The following DNAJC1 variants were observed in gnomAD, a reference collection of about 807,000 sequenced individuals.
DNAJC1 encodes dnaJ homolog subfamily C member 1.
Under a neutral mutation model 76.6 loss-of-function variants are expected in DNAJC1, and 58 were observed. That is an observed-to-expected ratio of 0.76 (90% CI 0.61 to 0.94). DNAJC1 has a LOEUF of 0.94. Ranked by LOEUF, DNAJC1 falls within the 40% of genes least tolerant of loss-of-function variation. The pLI is 0.00. For synonymous variants in DNAJC1, 258 were observed against 267.9 expected (o/e 0.96, Z 0.36); for missense variants, 689 against 677.3 (o/e 1.02, Z -0.19).
intron 1 of DNAJC1, among the ~76,000 whole-genome samples, chr10:21,948,548 C>A (rs1293355688): frequency 3.9e-5 from 6 of 152,036 alleles, no homozygotes; most frequent in African/African-American, 1.5e-4. Flanking sequence ...TTTCAGTTAC[C>A]CATGGTCAAC....
chr10:21,826,599 C>T (rs1262696881), intron 8 of DNAJC1, among the ~76,000 whole-genome samples: 3 of 152,280 alleles, frequency 2.0e-5, no homozygotes, highest in African/African-American at 7.2e-5. Flanking sequence ...AAGAAGCTTT[C>T]CTTCTATGTT....
At chr10:22,003,079 G>A in intron 1 of DNAJC1, 134 bp downstream of exon 1, 1 of 1,314,786 alleles carries the variant, frequency 7.6e-7, no homozygotes. Flanking sequence ...GGACCCCGGT[G>A]ACCCGAGCTG....
At chr10:21,800,467 G>A (rs1834801054) in intron 9 of DNAJC1, among the ~76,000 whole-genome samples, 1 of 152,116 alleles carries the variant, frequency 6.6e-6, no homozygotes, top group Admixed American at 6.6e-5. Context: ...AGATATGAGT[G>A]AAAAGACAAT....
At chr10:21,816,570 G>A (rs1336172445) in intron 8 of DNAJC1, among the ~76,000 whole-genome samples, 3 of 146,622 alleles carry the variant, frequency 2.0e-5, no homozygotes, top group African/African-American at 7.6e-5. Flanking sequence ...TTTTGAGACG[G>A]AGACTCGCTC....
chr10:21,785,366 A>T (rs1317960662), intron 9 of DNAJC1: 1 of 152,254 alleles, frequency 6.6e-6, no homozygotes, highest in Non-Finnish European at 1.5e-5. Context: ...CAGGCTTGGT[A>T]GATATCTCGT....
intron 7 of DNAJC1, among the ~76,000 whole-genome samples, chr10:21,885,414 A>G (rs747763438): frequency 2.6e-5 from 4 of 152,160 alleles, no homozygotes; most frequent in African/African-American, 9.7e-5. Flanking sequence ...CTCCATTGAC[A>G]GTATTAGACA....
At chr10:21,796,749 T>A (rs1360890340) in intron 9 of DNAJC1, among the ~76,000 whole-genome samples, 1 of 152,222 alleles carries the variant, frequency 6.6e-6, no homozygotes, top group African/African-American at 2.4e-5. Context: ...CTATGTCATC[T>A]TTGTAGAAAT....
intron 3 of DNAJC1, among the ~76,000 whole-genome samples, chr10:21,925,443 A>G (rs963451383): frequency 2.6e-5 from 4 of 152,210 alleles, no homozygotes; most frequent in African/African-American, 9.6e-5. Flanking sequence ...CTAGGAATCT[A>G]CCCAAGAGAA....
At chr10:21,790,614 C>T (rs557363701) in intron 9 of DNAJC1, among the ~76,000 whole-genome samples, 19 of 151,714 alleles carry the variant, frequency 1.3e-4, no homozygotes, top group Non-Finnish European at 1.8e-4. Context: ...GAGAATTCAT[C>T]ACCACTACAT....
chr10:21,768,807 C>G (rs745785155), intron 9 of DNAJC1, among the ~76,000 whole-genome samples: 3 of 152,148 alleles, frequency 2.0e-5, no homozygotes, highest in Non-Finnish European at 4.4e-5. Context: ...CTTCTTTTAT[C>G]CTAATTCAAA....
chr10:21,882,006 T>C (rs1220466565), intron 8 of DNAJC1, among the ~76,000 whole-genome samples: 1 of 151,580 alleles, frequency 6.6e-6, no homozygotes, highest in Non-Finnish European at 1.5e-5. Context: ...CACAAAAAAT[T>C]AGCCAGGCGT....
At chr10:21,992,091 G>A (rs925186005) in intron 1 of DNAJC1, among the ~76,000 whole-genome samples, 3 of 152,164 alleles carry the variant, frequency 2.0e-5, no homozygotes, top group Non-Finnish European at 4.4e-5. Flanking sequence ...TTGGCGGATC[G>A]CCTGACATCA....
At chr10:21,787,884 C>T (rs1834632712) in intron 9 of DNAJC1, among the ~76,000 whole-genome samples, 1 of 152,250 alleles carries the variant, frequency 6.6e-6, no homozygotes, top group Non-Finnish European at 1.5e-5. Flanking sequence ...TACTGTGTTC[C>T]TCCCGCTGTG....
intron 1 of DNAJC1, among the ~76,000 whole-genome samples, chr10:21,953,102 A>G (rs1837624444): frequency 6.6e-6 from 1 of 152,166 alleles, no homozygotes; most frequent in Non-Finnish European, 1.5e-5. Flanking sequence ...TGAAGAAAGT[A>G]AGAATATTTA....
At chr10:21,928,870 C>T (rs139048131) in intron 2 of DNAJC1, among the ~76,000 whole-genome samples, 170 bp downstream of exon 2, 6 of 151,770 alleles carry the variant, frequency 4.0e-5, no homozygotes, top group African/African-American at 1.4e-4. Flanking sequence ...GATGCTAATA[C>T]AAAATAGTAA....
At chr10:21,922,631 G>A (rs1837058804) in intron 3 of DNAJC1, among the ~76,000 whole-genome samples, 1 of 151,904 alleles carries the variant, frequency 6.6e-6, no homozygotes, top group South Asian at 2.1e-4. Flanking sequence ...AAAAATTTAT[G>A]TTTAAATCTA....
At chr10:21,900,780 G>A (rs1836639405) in intron 7 of DNAJC1, among the ~76,000 whole-genome samples, 1 of 152,154 alleles carries the variant, frequency 6.6e-6, no homozygotes. Flanking sequence ...TCAGTTACAT[G>A]CCTCCGCATA....
intron 8 of DNAJC1, chr10:21,860,794 C>G (rs1590019673): frequency 6.5e-6 from 1 of 154,718 alleles, no homozygotes; most frequent in Admixed American, 6.4e-5. Flanking sequence ...GTCTCCCACT[C>G]TTCCCAAGAT....
At chr10:21,914,267 A>G (rs1257714376) in intron 6 of DNAJC1, among the ~76,000 whole-genome samples, 1 of 152,188 alleles carries the variant, frequency 6.6e-6, no homozygotes, top group Admixed American at 6.5e-5. Context: ...TTGTTCTTCT[A>G]TCACTTCTTA....
Sources: gnomAD v4.1 joint callset for allele counts (sites outside exome capture counted in the v4.1 genomes callset) on GRCh38, gnomAD v4.1.1 for gene constraint, MANE v1.5 for transcripts, NCBI Gene and HGNC (gene_info 2026-07-23, HGNC 2026-07-21) for gene names.